Variants in CRTC1 observed in about 807,000 individuals in gnomAD.
The protein encoded by CRTC1 is CREB regulated transcription coactivator 1, also known as CREB-regulated transcription coactivator 1.
In CRTC1, 18 loss-of-function variants were observed where a neutral mutation model predicts 66.1. The ratio of observed to expected loss-of-function variants is 0.27; its 90% confidence interval spans 0.19 to 0.40. The LOEUF is 0.40. Ranked by LOEUF, CRTC1 falls within the 10% of genes least tolerant of loss-of-function variation. The probability of loss-of-function intolerance (pLI) is 1.00; values close to 1 mark genes in which losing one functional copy is unlikely to be tolerated. For synonymous variants in CRTC1, 416 were observed against 398.8 expected (o/e 1.04, Z -0.51); for missense variants, 669 against 887.9 (o/e 0.75, Z 3.13).
Position 18,777,499 on chromosome 19 carries a change from G to T in CRTC1, c.*117G>T. The T allele has an allele frequency of 1.0e-6, 1 of 991,826 alleles. No individual in the cohort carries two copies. The highest frequency in any genetic ancestry group is 1.4e-5 in the South Asian group (1 of 73,616). 61.4% of individuals were successfully genotyped at this position (991,826 alleles called of 1,614,324 possible). ...CTTGTGATTCTGAGCTTGCAATGCC[G>T]CCAAGCGCCCCCCGCCAGCCCGCCC... On this transcript the variant is annotated 3_prime_UTR_variant, in exon 14 of 14. Coordinates refer to ENST00000321949, the MANE Select transcript of CRTC1 (RefSeq NM_015321.3). The surrounding 1 kb of genome is among the most constrained non-coding windows in gnomAD (Gnocchi z 5.5).
intron 11 of CRTC1, among the ~76,000 whole-genome samples, chr19:18,772,261 G>C (rs2054886665): frequency 6.6e-6 from 1 of 152,152 alleles, no homozygotes; most frequent in Non-Finnish European, 1.5e-5. Flanking sequence ...TCCCCACTCA[G>C]CCTCCTCCTG....
chr19:18,760,630 C>A lies in CRTC1; in HGVS notation c.886+402C>A, dbSNP rs1302148091. On this transcript the variant is annotated intron_variant, in intron 8 of 13. Transcript: ENST00000321949. This position sits in a 1 kb window ranked among gnomAD's most constrained non-coding sequence, Gnocchi z 6.2. The stretch of plus-strand genomic sequence containing the variant: ...TCCACCCGACATCTGACAGTGACCA[C>A]CTACTTGTCACATCCCAGCACCACC... Among the ~76,000 whole-genome samples the A allele has an allele frequency of 1.3e-5, 2 of 152,020 alleles. No homozygotes were observed. Among genetic ancestry groups the A allele is most frequent in the Admixed American group, 1.3e-4 (2 of 15,270 alleles).
At chr19:18,746,477 T>TCCCCCCCCCCCCCCCCACCCCC (rs1265684155) in intron 3 of CRTC1, among the ~76,000 whole-genome samples, 1 of 137,080 alleles carries the variant, frequency 7.3e-6, no homozygotes, top group African/African-American at 2.6e-5. Context: ...TCAGCCAGAG[T>TCCCCCCCCCCCCCCCCACCCCC]CCCCCCCTCC....
In CRTC1 at chr19:18,768,280, T is replaced by C. The variant is rs371455278; in HGVS notation, c.1012-205T>C. On this transcript the variant is annotated intron_variant, in intron 9 of 13. Coordinates refer to ENST00000321949, the MANE Select transcript of CRTC1 (RefSeq NM_015321.3). The surrounding 1 kb of genome is among the most constrained non-coding windows in gnomAD (Gnocchi z 5.6). ...TGGAGGAGGTCAGGTCCTGCCCAGC[T>C]CCAGCTGACCCCCTTGGGGCCCTGC... is the stretch of plus-strand genomic sequence containing the variant. 2.0e-5 allele frequency among the ~76,000 whole-genome samples: 3 copies of C among 152,294 alleles called. No individual in the cohort carries two copies. Among genetic ancestry groups the C allele is most frequent in the African/African-American group, 7.2e-5 (3 of 41,558 alleles).
At chr19:18,720,761 C>T (rs768812232) in intron 1 of CRTC1, among the ~76,000 whole-genome samples, 1 of 152,112 alleles carries the variant, frequency 6.6e-6, no homozygotes. Context: ...CTTGACCTCC[C>T]AAAGTACTGG....
rs1365652641 is a variant in CRTC1 at position 18,777,443 on chromosome 19, G to A, written c.*61G>A. ...GACGGCGCCTCCCCAGCCCGGGGAC[G>A]GCCGTGCTCCGTCCCTCGCCAACGG... is the stretch of plus-strand genomic sequence containing the variant. On this transcript the variant is annotated 3_prime_UTR_variant, in exon 14 of 14. Transcript: ENST00000321949. This position sits in a 1 kb window ranked among gnomAD's most constrained non-coding sequence, Gnocchi z 5.5. The A allele has an allele frequency of 5.4e-6, 8 of 1,471,304 alleles. No homozygotes were observed. The highest frequency in any genetic ancestry group is 1.4e-5 in the African/African-American group (1 of 72,166). The allele number at this position is 1,471,304 out of a possible 1,614,324, so 91.1% of individuals were successfully genotyped here. A position where few individuals can be genotyped will look rare whatever the true frequency, so the allele number is the denominator to read the frequency against.
chr19:18,740,842 C>A (rs1294095825), intron 1 of CRTC1, among the ~76,000 whole-genome samples: 1 of 151,728 alleles, frequency 6.6e-6, no homozygotes, highest in African/African-American at 2.4e-5. Flanking sequence ...TCTGTCTCTA[C>A]TAGAAATACA....
chr19:18,768,431 G>T lies in CRTC1; in HGVS notation c.1012-54G>T. 1 of 1,513,972 alleles carries T rather than the reference G, an allele frequency of 6.6e-7. No individual in the cohort carries two copies. Among genetic ancestry groups the T allele is most frequent in the Non-Finnish European group, 9.0e-7 (1 of 1,107,212 alleles). 93.8% of individuals were successfully genotyped at this position (1,513,972 alleles called of 1,614,324 possible). ...ATGCCAGGCTATGGGGGCCCGAGGG[G>T]GCCAGGCGCTGACAACCAGGGCCCG... On this transcript the variant is annotated intron_variant, in intron 9 of 13. Transcript: ENST00000321949. This position sits in a 1 kb window ranked among gnomAD's most constrained non-coding sequence, Gnocchi z 5.6.
chr19:18,758,150 A>T (rs1350446337), intron 6 of CRTC1, among the ~76,000 whole-genome samples: 2 of 151,762 alleles, frequency 1.3e-5, no homozygotes, highest in Non-Finnish European at 2.9e-5. Context: ...TCATGAGGTC[A>T]GGAGATGGAG....
At position 18,768,417 on chromosome 19, in the gene CRTC1, TG is replaced by T; in HGVS notation, c.1012-63del. On this transcript the variant is annotated intron_variant, in intron 9 of 13. Coordinates refer to ENST00000321949, the MANE Select transcript of CRTC1 (RefSeq NM_015321.3). This position sits in a 1 kb window ranked among gnomAD's most constrained non-coding sequence, Gnocchi z 5.6. Reference sequence around the variant, plus strand: ...CTCGCCTGCTGAGCATGCCAGGCTATGGGGGCCCGAGGGGGCCAGGCGCTGA... The same window carrying T: ...CTCGCCTGCTGAGCATGCCAGGCTATGGGGCCCGAGGGGGCCAGGCGCTGA... 1 of 1,376,050 alleles carries T rather than the reference TG, an allele frequency of 7.3e-7. No homozygotes were observed. The allele number at this position is 1,376,050 out of a possible 1,614,324, so 85.2% of individuals were successfully genotyped here.
At chr19:18,735,956 G>T (rs892570494) in intron 1 of CRTC1, among the ~76,000 whole-genome samples, 3 of 152,224 alleles carry the variant, frequency 2.0e-5, no homozygotes, top group Non-Finnish European at 4.4e-5. Context: ...GTGCTGGGCA[G>T]ACTCTTGCCT....
chr19:18,701,922 GTTT>G (rs1173804936), intron 1 of CRTC1, among the ~76,000 whole-genome samples: 1 of 114,082 alleles, frequency 8.8e-6, no homozygotes. Flanking sequence ...CCACCGTTTT[GTTT>G]TTTTTTTTTT....
At position 18,742,771 on chromosome 19, in the gene CRTC1, C is replaced by T; in HGVS notation, c.127-139C>T. On this transcript the variant is annotated intron_variant, in intron 1 of 13. Transcript: ENST00000321949. Reference sequence around the variant, plus strand: ...AGGGACACCTGGTTTCCTTAAGCATCTGGGTCATGAGGTCCTGCAAACTTC... The same window carrying T: ...AGGGACACCTGGTTTCCTTAAGCATTTGGGTCATGAGGTCCTGCAAACTTC... 9.0e-6 allele frequency: 6 copies of T among 667,874 alleles called. No individual in the cohort carries two copies. In the Admixed American group the frequency reaches 9.2e-5, roughly 10 times the overall value. 41.4% of individuals were successfully genotyped at this position (667,874 alleles called of 1,614,324 possible). A position where few individuals can be genotyped will look rare whatever the true frequency, so the allele number is the denominator to read the frequency against.
At chr19:18,776,046 G>A (rs752710441) in intron 13 of CRTC1, among the ~76,000 whole-genome samples, 4 of 152,174 alleles carry the variant, frequency 2.6e-5, no homozygotes, top group Non-Finnish European at 4.4e-5. Context: ...CAGACGTCCC[G>A]TGCATAGGAT....
In CRTC1 at chr19:18,702,395, A is replaced by G. The variant is rs115062162; in HGVS notation, c.126+18567A>G. ...CCACCACAGCTGGCTAATTTTTAGT[A>G]TATATTTTTTGTAGAGACAGGAGTC... On this transcript the variant is annotated intron_variant, in intron 1 of 13. Coordinates refer to ENST00000321949, the MANE Select transcript of CRTC1 (RefSeq NM_015321.3). 2.5e-3 allele frequency among the ~76,000 whole-genome samples: 383 copies of G among 151,406 alleles called. 1 individual carries two copies. Among genetic ancestry groups the G allele is most frequent in the African/African-American group, 8.8e-3 (363 of 41,232 alleles).
intron 8 of CRTC1, among the ~76,000 whole-genome samples, chr19:18,763,755 G>A (rs1289438688): frequency 2.0e-5 from 3 of 152,076 alleles, no homozygotes; most frequent in Non-Finnish European, 4.4e-5. Flanking sequence ...CGCCCCTGTC[G>A]TCCCACATCC....
rs1390826879 is a variant in CRTC1 at position 18,771,020 on chromosome 19, A to G, written c.1321-422A>G. Among the ~76,000 whole-genome samples, 1 of 147,706 alleles carries G rather than the reference A, an allele frequency of 6.8e-6. No individual in the cohort carries two copies. Among genetic ancestry groups the G allele is most frequent in the Non-Finnish European group, 1.5e-5 (1 of 66,818 alleles). ...TGGGCATGTACATTCATGTGTGGATATGTGCACATGTGTGGGTGTGCATGT... is the reference window on the plus strand; with the variant it reads ...TGGGCATGTACATTCATGTGTGGATGTGTGCACATGTGTGGGTGTGCATGT... On this transcript the variant is annotated intron_variant, in intron 10 of 13. Transcript: ENST00000321949. This position sits in a 1 kb window ranked among gnomAD's most constrained non-coding sequence, Gnocchi z 4.6.
chr19:18,772,670 C>G lies in CRTC1; in HGVS notation c.1425+1124C>G, dbSNP rs115842535. 4.8e-3 allele frequency among the ~76,000 whole-genome samples: 738 copies of G among 152,350 alleles called. 4 individuals are homozygous for G. Among genetic ancestry groups the G allele is most frequent in the African/African-American group, 0.017 (699 of 41,576 alleles). On this transcript the variant is annotated intron_variant, in intron 11 of 13. Transcript: ENST00000321949. ...AGCTCTCACACGTGTATAGGGACATCTGCCCCATCAGCCAAGGGCCGTCTG... is the reference window on the plus strand; with the variant it reads ...AGCTCTCACACGTGTATAGGGACATGTGCCCCATCAGCCAAGGGCCGTCTG...
chr19:18,735,984 G>C (rs978984301), intron 1 of CRTC1, among the ~76,000 whole-genome samples: 1 of 152,224 alleles, frequency 6.6e-6, no homozygotes, highest in Admixed American at 6.5e-5. Flanking sequence ...GGCAGGGGAG[G>C]TGGGGACACT....
Sources: gnomAD v4.1 joint callset for allele counts (sites outside exome capture counted in the v4.1 genomes callset) on GRCh38, gnomAD v4.1.1 for gene constraint, Gnocchi (gnomAD v3.1) non-coding constraint, MANE v1.5 for transcripts, NCBI Gene and HGNC (gene_info 2026-07-23, HGNC 2026-07-21) for gene names.